The following TCF25 variants were observed in gnomAD, a reference collection of about 807,000 sequenced individuals.
TCF25 encodes the protein ribosome quality control complex subunit TCF25.
TCF25 carries 41 observed loss-of-function variants against 83.1 expected under a neutral mutation model. The ratio of observed to expected loss-of-function variants is 0.49; its 90% confidence interval spans 0.38 to 0.64. The LOEUF (loss-of-function observed/expected upper bound fraction) is 0.64, where lower values mean the gene tolerates loss of function less well. Ranked by LOEUF, TCF25 falls within the 30% of genes least tolerant of loss-of-function variation. The pLI, the probability that TCF25 is intolerant of heterozygous loss-of-function variation, is 0.00. For synonymous variants in TCF25, 458 were observed against 365.0 expected (o/e 1.25, Z -2.90); for missense variants, 979 against 914.5 (o/e 1.07, Z -0.91).
intron 5 of TCF25, 122 bp downstream of exon 5, chr16:89,887,839 A>G: frequency 4.7e-6 from 4 of 858,142 alleles, no homozygotes; most frequent in Non-Finnish European, 6.9e-6. Flanking sequence ...CAGAGTGCAC[A>G]CGTAACCCTT....
chr16:89,898,946 CTG>C (rs968527107), intron 11 of TCF25, 74 bp downstream of exon 11: 82 of 1,437,880 alleles, frequency 5.7e-5, no homozygotes, highest in South Asian at 4.7e-5. Context: ...GGTTCAGTAT[CTG>C]TGCGCTCAGG....
chr16:89,906,527 G>A (rs1255603434), intron 15 of TCF25, among the ~76,000 whole-genome samples: 1 of 152,148 alleles, frequency 6.6e-6, no homozygotes, highest in Non-Finnish European at 1.5e-5. Context: ...TCGTCACCGT[G>A]GTGAGCTGCT....
In TCF25 at chr16:89,900,659, C is replaced by A. The variant is rs372780230; in HGVS notation, c.1246C>A (p.Pro416Thr). 18 of 1,596,636 alleles carry A rather than the reference C, an allele frequency of 1.1e-5. No homozygotes were observed. In the African/African-American group the frequency reaches 1.7e-4, roughly 15 times the overall value. The change falls in exon 12 of 18, where the codon CCT becomes ACT. Residue 416 changes from proline to threonine, a missense_variant. By Grantham distance (38) the Pro-to-Thr change is conservative. Transcript: ENST00000263346. ...GGCTCATCGGAACCTGTCCCAGCTCCCTAATTTTGCCTTCTCTGTTCCACT... is the reference window on the plus strand; with the variant it reads ...GGCTCATCGGAACCTGTCCCAGCTCACTAATTTTGCCTTCTCTGTTCCACT... Reference protein sequence around the residue: ...WEAHRNLSQLPNFAFSVPLAY... With the variant: ...WEAHRNLSQLTNFAFSVPLAY...
chr16:89,890,952 C>G (rs2043381548), intron 5 of TCF25, among the ~76,000 whole-genome samples: 1 of 152,160 alleles, frequency 6.6e-6, no homozygotes, highest in Non-Finnish European at 1.5e-5. Context: ...TCCTGCTCCT[C>G]CAAGACAAAG....
Position 89,873,599 on chromosome 16 carries a change from G to C in TCF25, c.-69G>C, listed in dbSNP as rs889135314. The C allele has an allele frequency of 2.2e-5, 31 of 1,404,216 alleles. No homozygotes were observed. The highest frequency in any genetic ancestry group is 2.8e-5 in the Non-Finnish European group (30 of 1,078,020). The allele number at this position is 1,404,216 out of a possible 1,614,324, so 87.0% of individuals were successfully genotyped here. ...CCCGACCCCGCGCGAAGAGTGCGCA[G>C]GCGCGCCGACAGCCGAGTTTTCTGC... On this transcript the variant is annotated 5_prime_UTR_variant, in exon 1 of 18. Coordinates refer to ENST00000263346, the MANE Select transcript of TCF25 (RefSeq NM_014972.3).
At chr16:89,907,486 A>T (rs1255009525) in intron 16 of TCF25, among the ~76,000 whole-genome samples, 164 bp downstream of exon 16, 2 of 35,382 alleles carry the variant, frequency 5.7e-5, no homozygotes, top group African/African-American at 9.2e-5. Context: ...CCCACCTCCC[A>T]GCTCCCACCT....
At chr16:89,893,897 A>G (rs1172763542) in intron 7 of TCF25, 39 bp downstream of exon 7, 26 of 1,570,186 alleles carry the variant, frequency 1.7e-5, no homozygotes, top group Non-Finnish European at 2.2e-5. Context: ...AGCAGGGGCC[A>G]TGTAGCCACC....
chr16:89,883,244 C>G, intron 1 of TCF25, 107 bp from the exon 2 acceptor site: 1 of 1,476,370 alleles, frequency 6.8e-7, no homozygotes, highest in South Asian at 1.3e-5. Flanking sequence ...TCGCACTGAC[C>G]CTGGGGGTCC....
intron 1 of TCF25, 78 bp from the exon 2 acceptor site, chr16:89,883,273 C>A: frequency 6.4e-7 from 1 of 1,559,400 alleles, no homozygotes; most frequent in East Asian, 2.3e-5. Flanking sequence ...AGCCCGTTCA[C>A]ATCTCACTAT....
At chr16:89,887,253 T>TA (rs1252991652) in intron 4 of TCF25, among the ~76,000 whole-genome samples, 3 of 152,042 alleles carry the variant, frequency 2.0e-5, no homozygotes, top group African/African-American at 2.4e-5. Context: ...CTCTTGGTCT[T>TA]ACAGATGCTT....
intron 5 of TCF25, among the ~76,000 whole-genome samples, 197 bp from the exon 6 acceptor site, chr16:89,891,996 C>T (rs988275073): frequency 6.6e-6 from 1 of 152,050 alleles, no homozygotes; most frequent in South Asian, 2.1e-4. Context: ...CTCTATGGGG[C>T]CCTCCCTGCT....
chr16:89,910,492 C>T (rs757265078), intron 16 of TCF25, 99 bp from the exon 17 acceptor site: 26 of 1,276,540 alleles, frequency 2.0e-5, no homozygotes, highest in Non-Finnish European at 1.5e-5. Flanking sequence ...CCTCCGTGTC[C>T]CTGCGAGGGA....
intron 14 of TCF25, among the ~76,000 whole-genome samples, chr16:89,905,355 GTC>G (rs1309318224): frequency 1.3e-5 from 2 of 152,152 alleles, no homozygotes; most frequent in Non-Finnish European, 2.9e-5. Flanking sequence ...GTGCCTTCGG[GTC>G]TTGCAGTGTT....
At chr16:89,909,272 G>A (rs2045342485) in intron 16 of TCF25, 1 of 720,582 alleles carries the variant, frequency 1.4e-6, no homozygotes, top group East Asian at 6.7e-5. Context: ...AGCAGTTTGA[G>A]AGGCCAAGGT....
chr16:89,876,138 T>A (rs2143895145), intron 1 of TCF25, among the ~76,000 whole-genome samples: 1 of 152,234 alleles, frequency 6.6e-6, no homozygotes, highest in South Asian at 2.1e-4. Flanking sequence ...TGGAGTGAGT[T>A]TGAGTGTCAG....
chr16:89,873,811 CG>C lies in TCF25; in HGVS notation c.149del (p.Gly50AlafsTer15). On this transcript the variant is annotated frameshift_variant, in exon 1 of 18. Coordinates refer to ENST00000263346, the MANE Select transcript of TCF25 (RefSeq NM_014972.3). LOFTEE classifies it high-confidence loss of function. The part of the protein sequence containing the change: ...PKRELGVRRP[G>X]GAGKEGVRVN... The stretch of plus-strand genomic sequence containing the variant: ...AGCGGGAGCTTGGTGTCCGGCGTCC[CG>C]GGGGCGCAGGGAAGGAGGGCGTCCG... The C allele has an allele frequency of 6.5e-7, 1 of 1,537,334 alleles. No individual in the cohort carries two copies. Among genetic ancestry groups the C allele is most frequent in the East Asian group, 2.6e-5 (1 of 38,336 alleles).
intron 12 of TCF25, among the ~76,000 whole-genome samples, chr16:89,903,098 C>T (rs8060415): frequency 0.072 from 11,038 of 152,322 alleles, 1,329 homozygotes; most frequent in African/African-American, 0.25. Flanking sequence ...ACCAGTGCAG[C>T]CGTGTCTGGA....
intron 9 of TCF25, among the ~76,000 whole-genome samples, chr16:89,896,787 C>G (rs1047891310): frequency 6.6e-6 from 1 of 152,082 alleles, no homozygotes; most frequent in African/African-American, 2.4e-5. Context: ...ATCTCCTGAC[C>G]TTGCGATCCA....
chr16:89,900,829 T>A (rs1597359410), intron 12 of TCF25, 35 bp downstream of exon 12: 1 of 1,516,894 alleles, frequency 6.6e-7, no homozygotes, highest in East Asian at 2.3e-5. Flanking sequence ...GGGGTAGGGG[T>A]GTGTCCTGTC....
Sources: gnomAD v4.1 joint callset for allele counts (sites outside exome capture counted in the v4.1 genomes callset) on GRCh38, gnomAD v4.1.1 for gene constraint, MANE v1.5 for transcripts, NCBI Gene and HGNC (gene_info 2026-07-23, HGNC 2026-07-21) for gene names.